Variants in EPHA6 observed in about 807,000 individuals in gnomAD.
EPHA6 encodes the protein ephrin type-A receptor 6.
EPHA6 carries 50 observed loss-of-function variants against 112.0 expected under a neutral mutation model. The ratio of observed to expected loss-of-function variants is 0.45; its 90% confidence interval spans 0.36 to 0.56. The LOEUF (loss-of-function observed/expected upper bound fraction) is 0.56. Among genes scored for constraint, EPHA6 ranks in the 20% least tolerant of loss-of-function variants. EPHA6 has a pLI of 0.00. For synonymous variants in EPHA6, 529 were observed against 490.7 expected (o/e 1.08, Z -1.03); for missense variants, 1,280 against 1,417.4 (o/e 0.90, Z 1.56).
intron 3 of EPHA6, among the ~76,000 whole-genome samples, chr3:97,203,309 G>A (rs935027621): frequency 6.6e-6 from 1 of 152,098 alleles, no homozygotes; most frequent in African/African-American, 2.4e-5. Context: ...TAGCAGTGGA[G>A]ATGGAGATAA....
chr3:97,396,422 T>G (rs1277485744), intron 5 of EPHA6, among the ~76,000 whole-genome samples: 1 of 150,802 alleles, frequency 6.6e-6, no homozygotes, highest in Admixed American at 6.7e-5. Flanking sequence ...TTCAAAATAA[T>G]GCATATTTGT....
chr3:97,051,416 A>T (rs1025563317), intron 3 of EPHA6, among the ~76,000 whole-genome samples: 30 of 152,166 alleles, frequency 2.0e-4, no homozygotes, highest in Non-Finnish European at 3.1e-4. Flanking sequence ...GCTGTTTTGT[A>T]GAGAAGGTAA....
At chr3:97,074,310 A>G (rs1488095773) in intron 3 of EPHA6, among the ~76,000 whole-genome samples, 1 of 152,038 alleles carries the variant, frequency 6.6e-6, no homozygotes, top group African/African-American at 2.4e-5. Flanking sequence ...GTCAGTCAGC[A>G]CATATATTTT....
chr3:97,105,441 T>C (rs778641222), intron 3 of EPHA6, among the ~76,000 whole-genome samples: 1 of 152,186 alleles, frequency 6.6e-6, no homozygotes, highest in Non-Finnish European at 1.5e-5. Context: ...GTTGTTTAAT[T>C]TCCATGTAAT....
In EPHA6 at chr3:97,320,816, C is replaced by CAAAAAAAA. The variant is rs1294813082; in HGVS notation, c.1606+76535_1606+76536insAAAAAAAA. Among the ~76,000 whole-genome samples, 34 of 93,936 alleles carry CAAAAAAAA rather than the reference C, an allele frequency of 3.6e-4. 5 individuals are homozygous for CAAAAAAAA. Among genetic ancestry groups the CAAAAAAAA allele is most frequent in the African/African-American group, 1.2e-3 (28 of 22,608 alleles). The allele number at this position is 93,936 out of a possible 152,430, so 61.6% of individuals were successfully genotyped here. The stretch of plus-strand genomic sequence containing the variant: ...TACATCGTTCTGTGTTCTCTGGGGG[C>CAAAAAAAA]AAAAAATAAAAAAAATAAAAAAAAA... On this transcript the variant is annotated intron_variant, in intron 5 of 17. Transcript: ENST00000389672.
At chr3:97,553,038 C>T (rs1296240834) in intron 11 of EPHA6, among the ~76,000 whole-genome samples, 4 of 152,100 alleles carry the variant, frequency 2.6e-5, no homozygotes, top group Non-Finnish European at 5.9e-5. Flanking sequence ...CATAATTGCT[C>T]ATCCTGCCTT....
chr3:97,032,134 C>T (rs995259357), intron 3 of EPHA6, among the ~76,000 whole-genome samples: 1 of 152,118 alleles, frequency 6.6e-6, no homozygotes, highest in African/African-American at 2.4e-5. Flanking sequence ...AGGATGAGTT[C>T]ATGTCCTTTG....
chr3:97,506,141 C>T (rs561808986), intron 10 of EPHA6, among the ~76,000 whole-genome samples: 43 of 152,270 alleles, frequency 2.8e-4, no homozygotes, highest in African/African-American at 1.0e-3. Context: ...GTTGCCTGTT[C>T]ACTCTGATGA....
chr3:97,606,833 G>T (rs146959763), intron 12 of EPHA6, among the ~76,000 whole-genome samples: 4 of 151,184 alleles, frequency 2.6e-5, no homozygotes, highest in African/African-American at 4.8e-5. Context: ...CAGAAACATG[G>T]AAGGTAGAAA....
chr3:97,132,991 A>G (rs2108331735), intron 3 of EPHA6, among the ~76,000 whole-genome samples: 1 of 152,066 alleles, frequency 6.6e-6, no homozygotes, highest in East Asian at 1.9e-4. Flanking sequence ...TAACAGTGCT[A>G]AAAAATGTCG....
chr3:96,834,172 A>G (rs1367104436), intron 1 of EPHA6, among the ~76,000 whole-genome samples: 2 of 152,048 alleles, frequency 1.3e-5, no homozygotes, highest in African/African-American at 2.4e-5. Flanking sequence ...CCATTTACAT[A>G]TACCTCAGTT....
At chr3:97,721,647 T>C (rs1265651985) in intron 15 of EPHA6, among the ~76,000 whole-genome samples, 2 of 152,178 alleles carry the variant, frequency 1.3e-5, no homozygotes, top group Non-Finnish European at 2.9e-5. Context: ...AAGGACAAAG[T>C]GCATCATAAC....
At chr3:97,183,568 G>C (rs2077046017) in intron 3 of EPHA6, among the ~76,000 whole-genome samples, 1 of 152,044 alleles carries the variant, frequency 6.6e-6, no homozygotes, top group South Asian at 2.1e-4. Flanking sequence ...TATGTAAAAA[G>C]AAATAGTTTA....
chr3:97,321,388 A>G (rs1054922214), intron 5 of EPHA6, among the ~76,000 whole-genome samples: 10 of 151,722 alleles, frequency 6.6e-5, no homozygotes, highest in Non-Finnish European at 1.0e-4. Context: ...ACCTCAATAT[A>G]GTTTCTGCTA....
Position 97,448,784 on chromosome 3 carries a change from T to C in EPHA6, c.1894+54T>C, listed in dbSNP as rs968099400. On this transcript the variant is annotated intron_variant, in intron 7 of 17. Transcript: ENST00000389672. Reference sequence around the variant, plus strand: ...GATGTGAATTTAGTATCATTCCAATTTGACCTGATATTTTAAAACCAGGTG... The same window carrying C: ...GATGTGAATTTAGTATCATTCCAATCTGACCTGATATTTTAAAACCAGGTG... The C allele has an allele frequency of 3.9e-5, 61 of 1,578,276 alleles. 1 individual carries two copies. In the African/African-American group the frequency reaches 7.0e-4, roughly 18 times the overall value.
chr3:97,536,485 C>A (rs2092766038), intron 11 of EPHA6, among the ~76,000 whole-genome samples: 1 of 152,134 alleles, frequency 6.6e-6, no homozygotes, highest in Non-Finnish European at 1.5e-5. Context: ...CAAACAAATT[C>A]CCAAACATAA....
At chr3:97,013,276 A>G (rs770318366) in intron 3 of EPHA6, among the ~76,000 whole-genome samples, 7 of 152,140 alleles carry the variant, frequency 4.6e-5, no homozygotes, top group Non-Finnish European at 7.4e-5. Flanking sequence ...TTAATGATTT[A>G]TATTCTTTGT....
At chr3:97,410,084 A>G (rs2087612962) in intron 6 of EPHA6, among the ~76,000 whole-genome samples, 2 of 152,100 alleles carry the variant, frequency 1.3e-5, no homozygotes. Flanking sequence ...GGGATGATTT[A>G]AAGTAGCCTC....
intron 1 of EPHA6, among the ~76,000 whole-genome samples, chr3:96,840,335 C>T (rs1390286986): frequency 2.6e-5 from 4 of 152,040 alleles, no homozygotes; most frequent in Non-Finnish European, 5.9e-5. Context: ...TATCTGTAAT[C>T]TTGATTTACT....
Sources: allele counts gnomAD v4.1 joint callset (sites outside exome capture counted in the v4.1 genomes callset), GRCh38; gene constraint gnomAD v4.1.1; transcripts MANE v1.5; gene names NCBI Gene and HGNC (gene_info 2026-07-23, HGNC 2026-07-21).